Variants in TRAK2 observed in about 807,000 individuals in gnomAD.
The protein encoded by TRAK2 is trafficking kinesin protein 2, also known as trafficking kinesin-binding protein 2.
TRAK2 carries 81 observed loss-of-function variants against 104.6 expected under a neutral mutation model. The observed-to-expected ratio is 0.77, with a 90% CI of 0.65 to 0.93. The LOEUF (loss-of-function observed/expected upper bound fraction) is 0.93. TRAK2 is among the 40% of genes least tolerant of loss of function. The pLI is 0.00. For missense variants in TRAK2, 1,002 were observed against 1,089.0 expected (o/e 0.92, Z 1.12); for synonymous variants, 406 against 394.4 (o/e 1.03, Z -0.35).
At chr2:201,430,920 G>A (rs1951837046) in intron 1 of TRAK2, among the ~76,000 whole-genome samples, 1 of 152,224 alleles carries the variant, frequency 6.6e-6, no homozygotes, top group Admixed American at 6.5e-5. Flanking sequence ...GCTGGAAGCT[G>A]TAGACTGGTG....
intron 8 of TRAK2, 38 bp downstream of exon 8, chr2:201,395,276 G>A (rs1315120214): frequency 2.6e-6 from 4 of 1,552,216 alleles, no homozygotes; most frequent in Non-Finnish European, 2.7e-6. Context: ...CTATGTGAGT[G>A]CTTAACAAAT....
At chr2:201,390,003 G>A in intron 10 of TRAK2, 123 bp from the exon 11 acceptor site, 6 of 621,364 alleles carry the variant, frequency 9.7e-6, no homozygotes, top group East Asian at 2.9e-5. Context: ...AACATTCAGG[G>A]GAAAAAAGAC....
chr2:201,435,774 G>A (rs961564133), intron 1 of TRAK2, among the ~76,000 whole-genome samples: 3 of 152,182 alleles, frequency 2.0e-5, no homozygotes, highest in Admixed American at 6.5e-5. Context: ...GCATCAAAAA[G>A]AAGGCTAAAC....
chr2:201,384,217 C>G lies in TRAK2; in HGVS notation c.1964-1G>C, dbSNP rs1286996374. ...CACTTTCCTGGGTTGGCGGTTGCAA[C>G]TGAAATAGATTTTTAGGGAGCAAAT... On this transcript the variant is annotated splice_acceptor_variant, in intron 14 of 15. Transcript: ENST00000332624. LOFTEE classifies it high-confidence loss of function. 6.2e-7 allele frequency: 1 copy of G among 1,610,510 alleles called. No individual in the cohort carries two copies. The highest frequency in any genetic ancestry group is 8.5e-7 in the Non-Finnish European group (1 of 1,178,434).
chr2:201,415,444 A>C (rs972024675), intron 2 of TRAK2, among the ~76,000 whole-genome samples: 2 of 152,228 alleles, frequency 1.3e-5, no homozygotes, highest in African/African-American at 4.8e-5. Context: ...TAACAGAATT[A>C]ATAAGCAGCA....
intron 14 of TRAK2, 102 bp from the exon 15 acceptor site, chr2:201,384,318 C>T: frequency 1.1e-6 from 1 of 870,702 alleles, no homozygotes; most frequent in Admixed American, 2.7e-5. Context: ...TATCAAGTAC[C>T]TTTTGTATTA....
intron 3 of TRAK2, among the ~76,000 whole-genome samples, chr2:201,404,828 C>G (rs1951579705): frequency 6.6e-6 from 1 of 152,180 alleles, no homozygotes; most frequent in African/African-American, 2.4e-5. Flanking sequence ...ATAGTAAAAG[C>G]TACAATAGCT....
Position 201,379,414 on chromosome 2 carries a change from T to C in TRAK2, c.*1129A>G, listed in dbSNP as rs1951317555. ...AAGGCAGATGTGTTTTATTTTATTT[T>C]ACATTAGGAAGAAAAAACCACAATC... On this transcript the variant is annotated 3_prime_UTR_variant, in exon 16 of 16. Coordinates refer to ENST00000332624, the MANE Select transcript of TRAK2 (RefSeq NM_015049.3). 6.6e-6 allele frequency: 1 copy of C among 152,654 alleles called. No homozygotes were observed. Among genetic ancestry groups the C allele is most frequent in the Non-Finnish European group, 1.5e-5 (1 of 68,038 alleles). 9.5% of individuals were successfully genotyped at this position (152,654 alleles called of 1,614,324 possible).
In TRAK2 at chr2:201,380,854, G is replaced by A; in HGVS notation, c.2434C>T (p.Leu812Phe). 4 of 1,614,090 alleles carry A rather than the reference G, an allele frequency of 2.5e-6. No homozygotes were observed. Among genetic ancestry groups the A allele is most frequent in the South Asian group, 1.1e-5 (1 of 91,076 alleles). The change falls in exon 16 of 16, where the codon CTC becomes TTC. Residue 812 changes from leucine (L) to phenylalanine (F), a missense_variant. Coordinates refer to ENST00000332624, the MANE Select transcript of TRAK2 (RefSeq NM_015049.3). Reference protein sequence around the residue: ...FLASRPAETFLQEMYGLRPSR... With the variant: ...FLASRPAETFFQEMYGLRPSR... The stretch of plus-strand genomic sequence containing the variant: ...GGTCTCAAGCCATACATCTCCTGGA[G>A]GAATGTCTCAGCTGGTCGAGAGGCC...
At position 201,384,097 on chromosome 2, in the gene TRAK2, C is replaced by T; in HGVS notation, c.2069+14G>A. On this transcript the variant is annotated intron_variant, in intron 15 of 15. Transcript: ENST00000332624. ...GGAAAGAAGTGAGGCCCCAGATTTC[C>T]CAGGCACTCTTACCTGGGGGTAACC... is the stretch of plus-strand genomic sequence containing the variant. 6.4e-7 allele frequency: 1 copy of T among 1,564,684 alleles called. No homozygotes were observed. The highest frequency in any genetic ancestry group is 8.7e-7 in the Non-Finnish European group (1 of 1,146,132).
intron 10 of TRAK2, among the ~76,000 whole-genome samples, chr2:201,390,658 C>A (rs541161563): frequency 1.3e-4 from 20 of 150,956 alleles, no homozygotes; most frequent in African/African-American, 4.9e-4. Context: ...AAAGAACAAG[C>A]AAGCTTCCTC....
Position 201,393,015 on chromosome 2 carries a change from C to T in TRAK2, c.1007G>A (p.Cys336Tyr). The change falls in exon 10 of 16, where the codon TGT (cysteine) becomes TAT (tyrosine). Residue 336 changes from cysteine to tyrosine, a missense_variant. Physicochemically the swap from Cys to Tyr is radical, Grantham distance 194. Transcript: ENST00000332624. ...LHELQDRNME[C>Y]LGMLHESQEE... Reference sequence around the variant, plus strand: ...TTGGGATTCATGTAACATTCCTAGACACTCCATATTCCTGTCTTGTAACTC... The same window carrying T: ...TTGGGATTCATGTAACATTCCTAGATACTCCATATTCCTGTCTTGTAACTC... The T allele has an allele frequency of 6.2e-7, 1 of 1,613,540 alleles. No individual in the cohort carries two copies. The highest frequency in any genetic ancestry group is 8.5e-7 in the Non-Finnish European group (1 of 1,179,722).
chr2:201,411,125 A>G, intron 2 of TRAK2: 1 of 876,654 alleles, frequency 1.1e-6, no homozygotes, highest in Non-Finnish European at 1.9e-6. Context: ...GTTTAGGGGT[A>G]CTAACAGAAA....
intron 13 of TRAK2, 120 bp from the exon 14 acceptor site, chr2:201,386,604 G>T: frequency 7.6e-7 from 1 of 1,315,606 alleles, no homozygotes. Context: ...TATTTATTTG[G>T]TGTTAATAAT....
In TRAK2 at chr2:201,387,640, T is replaced by C. The variant is rs191083904; in HGVS notation, c.1696+63A>G. Reference sequence around the variant, plus strand: ...CCTATAATTAAGACACAAATCTCAATTCCAGGGAAAGGAACTTCCAGTAAG... The same window carrying C: ...CCTATAATTAAGACACAAATCTCAACTCCAGGGAAAGGAACTTCCAGTAAG... On this transcript the variant is annotated intron_variant, in intron 13 of 15. Transcript: ENST00000332624. 3.3e-5 allele frequency: 49 copies of C among 1,466,554 alleles called. No homozygotes were observed. The East Asian group carries it at 9.1e-4, about 27-fold the overall frequency. 90.8% of individuals were successfully genotyped at this position (1,466,554 alleles called of 1,614,324 possible).
intron 1 of TRAK2, among the ~76,000 whole-genome samples, chr2:201,429,214 A>C (rs1475993658): frequency 6.6e-6 from 1 of 152,108 alleles, no homozygotes; most frequent in Non-Finnish European, 1.5e-5. Context: ...GTTGAATAGG[A>C]GTGGTGAGAG....
At chr2:201,415,515 T>G (rs1482689651) in intron 2 of TRAK2, among the ~76,000 whole-genome samples, 2 of 151,978 alleles carry the variant, frequency 1.3e-5, no homozygotes, top group Non-Finnish European at 2.9e-5. Flanking sequence ...ATGAACGTAA[T>G]GGAAAGAGAA....
In TRAK2 at chr2:201,447,360, C is replaced by T. The variant is rs1168638743; in HGVS notation, c.-200+3990G>A. 6.6e-6 allele frequency among the ~76,000 whole-genome samples: 1 copy of T among 152,230 alleles called. No individual in the cohort carries two copies. Among genetic ancestry groups the T allele is most frequent in the Admixed American group, 6.5e-5 (1 of 15,286 alleles). On this transcript the variant is annotated intron_variant, in intron 1 of 15. Transcript: ENST00000332624. This position sits in a 1 kb window ranked among gnomAD's most constrained non-coding sequence, Gnocchi z 4.1. Reference sequence around the variant, plus strand: ...GTCAACTTCTATCACCTAACCACAGCTTAAAGCCTTTTTGTATGTCATTCC... The same window carrying T: ...GTCAACTTCTATCACCTAACCACAGTTTAAAGCCTTTTTGTATGTCATTCC...
intron 13 of TRAK2, 70 bp downstream of exon 13, chr2:201,387,633 A>G (rs1231496298): frequency 7.0e-7 from 1 of 1,424,864 alleles, no homozygotes; most frequent in Non-Finnish European, 9.5e-7. Flanking sequence ...TAAGACACAA[A>G]TCTCAATTCC....
Sources: allele counts gnomAD v4.1 joint callset (sites outside exome capture counted in the v4.1 genomes callset), GRCh38; gene constraint gnomAD v4.1.1; non-coding constraint Gnocchi (gnomAD v3.1); transcripts MANE v1.5; gene names NCBI Gene and HGNC (gene_info 2026-07-23, HGNC 2026-07-21).